The following FOXK2 variants were observed in gnomAD, a reference collection of about 807,000 sequenced individuals.
The protein encoded by FOXK2 is forkhead box K2.
A neutral mutation model predicts 53.3 loss-of-function variants in FOXK2; 24 were observed. The ratio of observed to expected loss-of-function variants is 0.45; its 90% CI spans 0.33 to 0.63. The LOEUF (loss-of-function observed/expected upper bound fraction) is 0.63. FOXK2 is among the 30% of genes least tolerant of loss of function. The pLI, the probability that FOXK2 is intolerant of heterozygous loss-of-function variation, is 0.03. For synonymous variants in FOXK2, 505 were observed against 407.1 expected, an observed-to-expected ratio of 1.24 and a Z score of -2.89; for missense variants, 952 against 910.5, an observed-to-expected ratio of 1.05 and a Z score of -0.59.
intron 4 of FOXK2, chr17:82,577,010 T>G (rs2044995228): frequency 4.9e-6 from 2 of 405,324 alleles, no homozygotes; most frequent in Non-Finnish European, 9.0e-6. Flanking sequence ...AAATACAATA[T>G]TATTAGCGGG....
chr17:82,587,370 T>C (rs750494656), intron 8 of FOXK2, 98 bp downstream of exon 8: 2 of 933,124 alleles, frequency 2.1e-6, no homozygotes, highest in South Asian at 1.4e-5. Context: ...CAATTTTAGC[T>C]TTTGTCTGAG....
At position 82,592,765 on chromosome 17, in the gene FOXK2, G is replaced by A. The variant is rs183268732; in HGVS notation, c.1786+5493G>A. 3.6e-3 allele frequency among the ~76,000 whole-genome samples: 549 copies of A among 152,358 alleles called. 2 individuals are homozygous for A. Among genetic ancestry groups the A allele is most frequent in the Admixed American group, 6.3e-3 (96 of 15,304 alleles). On this transcript the variant is annotated intron_variant, in intron 8 of 8. Transcript: ENST00000335255. ...CTGCATCTCAGCTGTGGCGCCTGGT[G>A]TGAGGGCGCACGCTTCGCAGTGAGA...
At chr17:82,586,235 CAGGGAGGTGAAAGGTGGG>C in intron 7 of FOXK2, 35 bp downstream of exon 7, 1 of 1,186,408 alleles carries the variant, frequency 8.4e-7, no homozygotes, top group Non-Finnish European at 1.1e-6. Context: ...GGGGAGACCA[CAGGGAGGTGAAAGGTGGG>C]CCGGGGGGGG....
At chr17:82,528,615 C>T (rs1280822827) in intron 1 of FOXK2, among the ~76,000 whole-genome samples, 5 of 152,102 alleles carry the variant, frequency 3.3e-5, no homozygotes, top group African/African-American at 1.2e-4. Context: ...GCTTTGAGCA[C>T]GGAACAAGGT....
At chr17:82,522,015 G>A (rs1028571452) in intron 1 of FOXK2, among the ~76,000 whole-genome samples, 10 of 147,422 alleles carry the variant, frequency 6.8e-5, no homozygotes, top group African/African-American at 2.5e-4. Context: ...CAATGGTAGG[G>A]TCCTAATGGC....
intron 3 of FOXK2, among the ~76,000 whole-genome samples, chr17:82,571,008 G>A (rs756079899): frequency 8.5e-5 from 13 of 152,100 alleles, no homozygotes; most frequent in Non-Finnish European, 1.3e-4. Context: ...ATGGGTATTT[G>A]GTGAGTCCCA....
At chr17:82,521,199 G>A (rs1413657453) in intron 1 of FOXK2, among the ~76,000 whole-genome samples, 1 of 152,114 alleles carries the variant, frequency 6.6e-6, no homozygotes, top group Admixed American at 6.6e-5. Context: ...TTGAGACGGA[G>A]GCTCACTTTG....
chr17:82,577,055 A>G (rs1260972355), intron 4 of FOXK2: 10 of 431,014 alleles, frequency 2.3e-5, no homozygotes, highest in South Asian at 1.6e-4. Flanking sequence ...CCAGCTACTC[A>G]GGAGGCTGAA....
intron 1 of FOXK2, among the ~76,000 whole-genome samples, chr17:82,536,447 G>C (rs924424770): frequency 1.3e-5 from 2 of 152,090 alleles, no homozygotes; most frequent in Non-Finnish European, 2.9e-5. Context: ...AAGGATATAG[G>C]GGCCCTTTTA....
chr17:82,575,445 C>G (rs953849382), intron 4 of FOXK2, among the ~76,000 whole-genome samples: 4 of 152,130 alleles, frequency 2.6e-5, no homozygotes, highest in Non-Finnish European at 4.4e-5. Context: ...GCACTAACAC[C>G]TAAAAAGCAC....
At chr17:82,563,155 C>T (rs184759062) in intron 1 of FOXK2, among the ~76,000 whole-genome samples, 199 bp from the exon 2 acceptor site, 195 of 152,192 alleles carry the variant, frequency 1.3e-3, no homozygotes, top group African/African-American at 4.6e-3. Context: ...GTAGCGTTTT[C>T]TTACTGGTGT....
chr17:82,598,921 C>A (rs936754059), intron 8 of FOXK2: 2 of 152,164 alleles, frequency 1.3e-5, no homozygotes, highest in Non-Finnish European at 2.9e-5. Flanking sequence ...GTGGGGGTCT[C>A]CCTGAGAGGG....
intron 8 of FOXK2, chr17:82,599,800 T>C (rs1408312707): frequency 3.9e-5 from 6 of 152,310 alleles, no homozygotes; most frequent in African/African-American, 1.4e-4. Flanking sequence ...AGGAGGCGGG[T>C]ATTGCCCACG....
chr17:82,553,166 G>C (rs2044693137), intron 1 of FOXK2, among the ~76,000 whole-genome samples: 1 of 152,192 alleles, frequency 6.6e-6, no homozygotes, highest in South Asian at 2.1e-4. Flanking sequence ...GAACTCCTGA[G>C]CTCAGGTGAT....
At chr17:82,586,682 A>C (rs985600498) in intron 7 of FOXK2, among the ~76,000 whole-genome samples, 29 of 152,168 alleles carry the variant, frequency 1.9e-4, no homozygotes, top group African/African-American at 7.0e-4. Context: ...CGGTCGGATC[A>C]CCTGAGGTTA....
At chr17:82,596,961 G>C (rs1055396302) in intron 8 of FOXK2, among the ~76,000 whole-genome samples, 4 of 152,222 alleles carry the variant, frequency 2.6e-5, no homozygotes, top group Non-Finnish European at 5.9e-5. Flanking sequence ...AGAGCCCCTT[G>C]TGCTCAGAGC....
Position 82,601,388 on chromosome 17 carries a change from G to T in FOXK2, c.1872G>T (p.Pro624=), listed in dbSNP as rs199704054. ...CAAAGCGCCACAACGGTGACCAGCC[G>T]GAGCAGCCGGAGCTGAAGCGGATCA... is the stretch of plus-strand genomic sequence containing the variant. ...LPTKRHNGDQ[P]EQPELKRIKT... is the part of the protein sequence containing the mutation. Residue 624 remains proline (P), a synonymous_variant, in exon 9 of 9, where the codon CCG becomes CCT. Transcript: ENST00000335255. 6.2e-7 allele frequency: 1 copy of T among 1,613,306 alleles called. No homozygotes were observed. The highest frequency in any genetic ancestry group is 2.2e-5 in the East Asian group (1 of 44,872).
chr17:82,577,247 A>G, intron 4 of FOXK2: 2 of 1,273,710 alleles, frequency 1.6e-6, no homozygotes, highest in Non-Finnish European at 2.3e-6. Context: ...TTCAAACTCC[A>G]GGTAGTACTT....
chr17:82,558,939 C>T (rs1482558207), intron 1 of FOXK2, among the ~76,000 whole-genome samples: 1 of 151,998 alleles, frequency 6.6e-6, no homozygotes, highest in African/African-American at 2.4e-5. Flanking sequence ...TCAGTAGAGA[C>T]GGGGTTTCAC....
Sources: gnomAD v4.1 joint callset for allele counts (sites outside exome capture counted in the v4.1 genomes callset) on GRCh38, gnomAD v4.1.1 for gene constraint, MANE v1.5 for transcripts, NCBI Gene and HGNC (gene_info 2026-07-23, HGNC 2026-07-21) for gene names.